The following PLK4 variants were observed in gnomAD, a reference collection of about 807,000 sequenced individuals.
The protein encoded by PLK4 is polo like kinase 4.
A neutral mutation model predicts 103.0 loss-of-function variants in PLK4; 51 were observed. The ratio of observed to expected loss-of-function variants is 0.50; its 90% confidence interval spans 0.40 to 0.63. The LOEUF is 0.63. Among genes scored for constraint, PLK4 ranks in the 20% least tolerant of loss-of-function variants. The pLI is 0.00. For synonymous variants in PLK4, 389 were observed against 376.8 expected, an observed-to-expected ratio of 1.03 and a Z score of -0.38; for missense variants, 1,054 against 1,151.0, an observed-to-expected ratio of 0.92 and a Z score of 1.22.
intron 4 of PLK4, among the ~76,000 whole-genome samples, chr4:127,885,436 G>A (rs1298224604): frequency 7.3e-6 from 1 of 136,402 alleles, no homozygotes; most frequent in Non-Finnish European, 1.5e-5. Flanking sequence ...CCGAGATCGC[G>A]CCACTGCACT....
At chr4:127,893,167 A>G (rs915770291) in intron 10 of PLK4, 118 bp from the exon 11 acceptor site, 25 of 542,134 alleles carry the variant, frequency 4.6e-5, no homozygotes, top group African/African-American at 4.1e-4. Context: ...TAGTCAATAA[A>G]TGAATAAAAA....
At chr4:127,896,169 T>G (rs1735559089) in intron 14 of PLK4, among the ~76,000 whole-genome samples, 1 of 152,190 alleles carries the variant, frequency 6.6e-6, no homozygotes, top group Admixed American at 6.5e-5. Context: ...GTATCTCCTT[T>G]TATAGATAGT....
chr4:127,896,712 C>G, intron 14 of PLK4, 89 bp from the exon 15 acceptor site: 1 of 664,840 alleles, frequency 1.5e-6, no homozygotes, highest in Non-Finnish European at 2.6e-6. Flanking sequence ...GAACCACAAA[C>G]CCTCTACTGT....
intron 1 of PLK4, among the ~76,000 whole-genome samples, chr4:127,881,574 G>A (rs1241148712): frequency 6.6e-6 from 1 of 152,140 alleles, no homozygotes; most frequent in African/African-American, 2.4e-5. Context: ...AGGGCGCTTA[G>A]GCTGCACTGA....
At chr4:127,889,347 A>G (rs374393145) in intron 6 of PLK4, among the ~76,000 whole-genome samples, 7 of 152,200 alleles carry the variant, frequency 4.6e-5, no homozygotes, top group African/African-American at 1.4e-4. Context: ...GTGCAAGTAC[A>G]TGTGTAATAT....
intron 6 of PLK4, among the ~76,000 whole-genome samples, chr4:127,889,658 A>G (rs1440213738): frequency 1.3e-5 from 2 of 152,120 alleles, no homozygotes; most frequent in African/African-American, 4.8e-5. Flanking sequence ...TACTAAAGGT[A>G]TTTCTTCACG....
chr4:127,891,439 A>G lies in PLK4; in HGVS notation c.1936-140A>G, dbSNP rs1735355161. 6.6e-6 allele frequency: 3 copies of G among 453,320 alleles called. No homozygotes were observed. In the South Asian group the frequency reaches 2.2e-4, roughly 33 times the overall value. The allele number at this position is 453,320 out of a possible 1,614,324, so 28.1% of individuals were successfully genotyped here. On this transcript the variant is annotated intron_variant, in intron 8 of 15. Coordinates refer to ENST00000270861, the MANE Select transcript of PLK4 (RefSeq NM_014264.5). ...TTGGTTTAAGTTAAAAAGCAAAAAA[A>G]TTACTTTTACAGAATATTTAACATT...
Position 127,891,174 on chromosome 4 carries a change from A to C in PLK4, c.1913A>C (p.Gln638Pro). The C allele has an allele frequency of 6.4e-7, 1 of 1,559,698 alleles. No homozygotes were observed. Among genetic ancestry groups the C allele is most frequent in the Non-Finnish European group, 8.8e-7 (1 of 1,134,326 alleles). Residue 638 changes from glutamine to proline, a missense_variant, in exon 8 of 16, where the codon CAG (glutamine) becomes CCG (proline). Physicochemically the swap from Gln to Pro is moderately conservative, Grantham distance 76. Coordinates refer to ENST00000270861, the MANE Select transcript of PLK4 (RefSeq NM_014264.5). ...CAAGAATATGTGAAAGAAGTTCTTC[A>C]GATATCTAGTGATGGAAATACGGTA... is the stretch of plus-strand genomic sequence containing the variant. The part of the protein sequence containing the change: ...ASQEYVKEVL[Q>P]ISSDGNTITI...
At chr4:127,890,377 T>G in intron 7 of PLK4, 141 bp downstream of exon 7, 2 of 516,806 alleles carry the variant, frequency 3.9e-6, no homozygotes, top group Non-Finnish European at 6.5e-6. Context: ...GAAAAGAGAC[T>G]GGGTGTTTAT....
rs57995643 is a variant in PLK4, at chr4:127,893,270, ATTTT to A, written c.2189-6_2189-3del. On this transcript the variant is annotated splice_polypyrimidine_tract_variant and intron_variant, in intron 10 of 15. Coordinates refer to ENST00000270861, the MANE Select transcript of PLK4 (RefSeq NM_014264.5). ...AAAAGGATAAGAGAACAGTTTTCTG[ATTTT>A]TTTTTTTTAGGGGTAAAAATACACA... 12 of 1,183,672 alleles carry A rather than the reference ATTTT, an allele frequency of 1.0e-5. 1 individual carries two copies. The Middle Eastern group carries it at 7.5e-4, about 74-fold the overall frequency. 73.3% of individuals were successfully genotyped at this position (1,183,672 alleles called of 1,614,324 possible).
intron 14 of PLK4, among the ~76,000 whole-genome samples, 187 bp from the exon 15 acceptor site, chr4:127,896,614 C>CTGCCA (rs1735573630): frequency 1.3e-5 from 2 of 151,984 alleles, no homozygotes; most frequent in South Asian, 4.1e-4. Context: ...TCTCAGTGCT[C>CTGCCA]TGCCATCGTA....
rs758584342 is a variant in PLK4, at chr4:127,893,265, T to G, written c.2189-20T>G. The G allele has an allele frequency of 6.8e-7, 1 of 1,470,056 alleles. No homozygotes were observed. The highest frequency in any genetic ancestry group is 2.1e-5 in the Admixed American group (1 of 47,628). The allele number at this position is 1,470,056 out of a possible 1,614,324, so 91.1% of individuals were successfully genotyped here. ...TTTTAAAAAGGATAAGAGAACAGTT[T>G]TCTGATTTTTTTTTTTTAGGGGTAA... On this transcript the variant is annotated intron_variant, in intron 10 of 15. Coordinates refer to ENST00000270861, the MANE Select transcript of PLK4 (RefSeq NM_014264.5).
At chr4:127,882,013 C>A in intron 2 of PLK4, 87 bp downstream of exon 2, 1 of 738,612 alleles carries the variant, frequency 1.4e-6, no homozygotes. Context: ...TGTCTACTAG[C>A]CTTTCCTTTG....
rs1044647621 is a variant in PLK4 at position 127,885,806 on chromosome 4, C to T, written c.436C>T (p.Arg146Cys). The T allele has an allele frequency of 5.0e-6, 8 of 1,613,698 alleles. No homozygotes were observed. The highest frequency in any genetic ancestry group is 2.2e-5 in the South Asian group (2 of 91,070). The stretch of plus-strand genomic sequence containing the variant: ...CACACTTTCTAACCTCCTACTGACT[C>T]GTAATATGAACATCAAGATTGCTGA... ...DLTLSNLLLT[R>C]NMNIKIADFG... The change falls in exon 5 of 16, where the codon CGT becomes TGT. Residue 146 changes from arginine to cysteine, a missense_variant. Physicochemically the swap from Arg to Cys is radical, Grantham distance 180 (BLOSUM62 -3). Transcript: ENST00000270861.
chr4:127,883,369 A>T lies in PLK4; in HGVS notation c.222+12A>T, dbSNP rs753256829. ...CTTCTATCTTGGAGGTAAGATATAA[A>T]TTTTGTAGAAGTGACCAAGGACACT... On this transcript the variant is annotated intron_variant, in intron 3 of 15. Coordinates refer to ENST00000270861, the MANE Select transcript of PLK4 (RefSeq NM_014264.5). The T allele has an allele frequency of 6.6e-7, 1 of 1,525,212 alleles. No individual in the cohort carries two copies. Among genetic ancestry groups the T allele is most frequent in the Non-Finnish European group, 9.1e-7 (1 of 1,103,282 alleles). 94.5% of individuals were successfully genotyped at this position (1,525,212 alleles called of 1,614,324 possible). A position where few individuals can be genotyped will look rare whatever the true frequency, so the allele number is the denominator to read the frequency against.
chr4:127,896,651 G>C, intron 14 of PLK4, 150 bp from the exon 15 acceptor site: 1 of 423,882 alleles, frequency 2.4e-6, no homozygotes. Flanking sequence ...CACTTAGAGA[G>C]TTTTTTTTTT....
intron 13 of PLK4, 94 bp downstream of exon 13, chr4:127,893,975 C>G (rs1735466081): frequency 1.4e-6 from 1 of 723,018 alleles, no homozygotes; most frequent in Non-Finnish European, 2.4e-6. Flanking sequence ...TTACTATCAT[C>G]TACGTACTTT....
At position 127,893,283 on chromosome 4, in the gene PLK4, A is replaced by AG; in HGVS notation, c.2191dup. 1 of 1,479,686 alleles carries AG rather than the reference A, an allele frequency of 6.8e-7. No individual in the cohort carries two copies. The highest frequency in any genetic ancestry group is 9.2e-7 in the Non-Finnish European group (1 of 1,091,024). The allele number at this position is 1,479,686 out of a possible 1,614,324, so 91.7% of individuals were successfully genotyped here. On this transcript the variant is annotated splice_acceptor_variant, in intron 10 of 15. Coordinates refer to ENST00000270861, the MANE Select transcript of PLK4 (RefSeq NM_014264.5). LOFTEE classifies it high-confidence loss of function. ...AACAGTTTTCTGATTTTTTTTTTTT[A>AG]GGGGTAAAAATACACAAAACAGAAG...
At position 127,886,357 on chromosome 4, in the gene PLK4, A is replaced by T. The variant is rs770519276; in HGVS notation, c.987A>T (p.Lys329Asn). The change falls in exon 5 of 16, where the codon AAA becomes AAT. Residue 329 changes from lysine to asparagine, a missense_variant. By Grantham distance (94) the Lys-to-Asn change is moderately conservative (BLOSUM62 0). This residue lies in a region of PLK4 where 680 missense variants were observed against 660.3 expected (regional missense o/e 1.03). Transcript: ENST00000270861. Reference protein sequence around the residue: ...PNKMTVFPKNKSSTDFSSSGD... With the variant: ...PNKMTVFPKNNSSTDFSSSGD... ...AAATGACTGTATTTCCAAAGAATAA[A>T]AGTTCAACTGATTTTTCTTCTTCAG... 2.8e-5 allele frequency: 45 copies of T among 1,613,682 alleles called. No individual in the cohort carries two copies. Among genetic ancestry groups the T allele is most frequent in the Non-Finnish European group, 7.6e-6 (9 of 1,179,968 alleles).
Sources: gnomAD v4.1 joint callset for allele counts (sites outside exome capture counted in the v4.1 genomes callset) on GRCh38, gnomAD v4.1.1 for gene constraint, gnomAD v4.1.1 regional missense constraint, MANE v1.5 for transcripts, NCBI Gene and HGNC (gene_info 2026-07-23, HGNC 2026-07-21) for gene names.